Variants in TRAFD1 observed in about 807,000 individuals in gnomAD.
TRAFD1 encodes the protein TRAF-type zinc finger domain containing 1, also known as TRAF-type zinc finger domain-containing protein 1.
A neutral mutation model predicts 65.3 loss-of-function variants in TRAFD1; 38 were observed. The observed-to-expected ratio is 0.58, with a 90% CI of 0.45 to 0.76. The LOEUF (loss-of-function observed/expected upper bound fraction) is 0.76, where lower values mean the gene tolerates loss of function less well. Among genes scored for constraint, TRAFD1 ranks in the 30% least tolerant of loss-of-function variants. TRAFD1 has a pLI of 0.00. For synonymous variants in TRAFD1, 223 were observed against 257.2 expected (o/e 0.87, Z 1.27); for missense variants, 631 against 712.6 (o/e 0.89, Z 1.30).
At chr12:112,149,419 A>G (rs1162883581) in intron 8 of TRAFD1, 2 of 229,656 alleles carry the variant, frequency 8.7e-6, no homozygotes, top group African/African-American at 4.6e-5. Context: ...TACAGATTGA[A>G]CTCCTTGTTC....
chr12:112,148,320 G>A lies in TRAFD1; in HGVS notation c.1158+16G>A. On this transcript the variant is annotated intron_variant, in intron 8 of 11. Transcript: ENST00000412615. ...CCATCACCAGGTAAGGGTCCCTGGA[G>A]TCCCTGTCCATGTGGCTCTGTGCGT... 6.2e-7 allele frequency: 1 copy of A among 1,611,182 alleles called. No homozygotes were observed. The highest frequency in any genetic ancestry group is 8.5e-7 in the Non-Finnish European group (1 of 1,177,536).
At chr12:112,150,323 T>TA (rs2030366192) in intron 9 of TRAFD1, among the ~76,000 whole-genome samples, 1 of 151,962 alleles carries the variant, frequency 6.6e-6, no homozygotes, top group South Asian at 2.1e-4. Flanking sequence ...AATCATAGCT[T>TA]ACCACAGCCT....
At position 112,152,571 on chromosome 12, in the gene TRAFD1, T is replaced by C. The variant is rs2030440256; in HGVS notation, c.1692+72T>C. 3.1e-6 allele frequency: 5 copies of C among 1,601,036 alleles called. No homozygotes were observed. The highest frequency in any genetic ancestry group is 4.3e-6 in the Non-Finnish European group (5 of 1,170,282). ...GGTGGGGCTTGTGTGGCTCCTGAAG[T>C]TGTAGAAGTTGTTGGGACCAGGCTG... On this transcript the variant is annotated intron_variant, in intron 11 of 11. Coordinates refer to ENST00000412615, the MANE Select transcript of TRAFD1 (RefSeq NM_006700.3). This position sits in a 1 kb window ranked among gnomAD's most constrained non-coding sequence, Gnocchi z 5.0.
chr12:112,127,121 TC>T (rs906313542), intron 1 of TRAFD1, among the ~76,000 whole-genome samples: 1 of 152,222 alleles, frequency 6.6e-6, no homozygotes, highest in Non-Finnish European at 1.5e-5. Flanking sequence ...ACTTTCTCTT[TC>T]ATTGCTTTTA....
At chr12:112,135,113 A>G in intron 4 of TRAFD1, 47 bp downstream of exon 4, 1 of 1,608,022 alleles carries the variant, frequency 6.2e-7, no homozygotes. Context: ...TGCTGAGATT[A>G]CAGACCCACA....
intron 8 of TRAFD1, 124 bp from the exon 9 acceptor site, chr12:112,149,627 A>G: frequency 3.7e-6 from 5 of 1,338,822 alleles, no homozygotes; most frequent in African/African-American, 2.9e-5. Flanking sequence ...GAAAGTTCCC[A>G]GAACTTTCAG....
chr12:112,146,563 G>A (rs1421971332), intron 7 of TRAFD1, among the ~76,000 whole-genome samples: 1 of 152,242 alleles, frequency 6.6e-6, no homozygotes, highest in African/African-American at 2.4e-5. Context: ...GGTCAAGGGT[G>A]TTTTCTGCAC....
At chr12:112,127,668 G>A (rs12300518) in intron 1 of TRAFD1, among the ~76,000 whole-genome samples, 1 of 147,790 alleles carries the variant, frequency 6.8e-6, no homozygotes, top group Non-Finnish European at 1.5e-5. Context: ...TTGCTTTTTT[G>A]TTTTTTGTTT....
At chr12:112,149,964 T>C (rs1381006143) in intron 9 of TRAFD1, 93 bp downstream of exon 9, 7 of 1,522,940 alleles carry the variant, frequency 4.6e-6, no homozygotes, top group Non-Finnish European at 5.3e-6. Context: ...ATGTGGGGAT[T>C]ACCTGCATCT....
At chr12:112,133,325 G>GT (rs1215245208) in intron 2 of TRAFD1, 1 of 152,224 alleles carries the variant, frequency 6.6e-6, no homozygotes, top group Non-Finnish European at 1.5e-5. Flanking sequence ...CGAAAGGCAT[G>GT]TGAGGCATAC....
chr12:112,148,288 T>TGTC lies in TRAFD1; in HGVS notation c.1143_1144insTCG (p.Val381_Leu382insSer). On this transcript the variant is annotated inframe_insertion, in exon 8 of 12. Coordinates refer to ENST00000412615, the MANE Select transcript of TRAFD1 (RefSeq NM_006700.3). ...TGTGGGGTACAGCTGGAAGAGGAGG[T>TGTC]GCTGTTCCATCACCAGGTAAGGGTC... 1 of 1,613,940 alleles carries TGTC rather than the reference T, an allele frequency of 6.2e-7. No individual in the cohort carries two copies. The highest frequency in any genetic ancestry group is 8.5e-7 in the Non-Finnish European group (1 of 1,179,948).
intron 4 of TRAFD1, among the ~76,000 whole-genome samples, chr12:112,138,139 G>C (rs2029972529): frequency 6.6e-6 from 1 of 152,082 alleles, no homozygotes; most frequent in Non-Finnish European, 1.5e-5. Flanking sequence ...TTGCTCGAGG[G>C]GCTGAGGTAC....
intron 4 of TRAFD1, among the ~76,000 whole-genome samples, chr12:112,136,945 C>T (rs1351313452): frequency 6.6e-6 from 1 of 152,222 alleles, no homozygotes; most frequent in African/African-American, 2.4e-5. Flanking sequence ...AAAAATCCAG[C>T]CGGGCGTGAT....
In TRAFD1 at chr12:112,137,321, T is replaced by C. The variant is rs2029937553; in HGVS notation, c.237+2255T>C. On this transcript the variant is annotated intron_variant, in intron 4 of 11. Transcript: ENST00000412615. This position sits in a 1 kb window ranked among gnomAD's most constrained non-coding sequence, Gnocchi z 4.2. ...TTTATAATGCAAGTGAAATCAGTGC[T>C]GTGCCCCTTCAAGGAACCACGTGAC... 6.6e-6 allele frequency among the ~76,000 whole-genome samples: 1 copy of C among 152,252 alleles called. No homozygotes were observed. The highest frequency in any genetic ancestry group is 2.1e-4 in the South Asian group (1 of 4,836).
chr12:112,142,182 T>A lies in TRAFD1; in HGVS notation c.737T>A (p.Leu246Gln), dbSNP rs200342910. 2.5e-6 allele frequency: 4 copies of A among 1,613,986 alleles called. No homozygotes were observed. In the East Asian group the frequency reaches 8.9e-5, roughly 36 times the overall value. ...GCAAACTTGGACTTCATGTTGGCCCTAAGTCTGCAAAATGAAGGCCAAGCC... is the reference window on the plus strand; with the variant it reads ...GCAAACTTGGACTTCATGTTGGCCCAAAGTCTGCAAAATGAAGGCCAAGCC... ...ESANLDFMLALSLQNEGQASS... is the reference protein window; with the variant it reads ...ESANLDFMLAQSLQNEGQASS... Residue 246 changes from leucine (L) to glutamine (Q), a missense_variant, in exon 6 of 12, where the codon CTA becomes CAA. Coordinates refer to ENST00000412615, the MANE Select transcript of TRAFD1 (RefSeq NM_006700.3).
At position 112,149,811 on chromosome 12, in the gene TRAFD1, C is replaced by A. The variant is rs956278519; in HGVS notation, c.1219C>A (p.Leu407Met). 1.9e-6 allele frequency: 3 copies of A among 1,614,086 alleles called. No individual in the cohort carries two copies. The highest frequency in any genetic ancestry group is 2.5e-6 in the Non-Finnish European group (3 of 1,180,024). ...TNHVTEGIPR[L>M]DSQPQETSPE... ...CCATGTGACAGAGGGGATTCCTAGACTGGATTCCCAGCCTCAAGAGACCTC... is the reference window on the plus strand; with the variant it reads ...CCATGTGACAGAGGGGATTCCTAGAATGGATTCCCAGCCTCAAGAGACCTC... Residue 407 changes from leucine to methionine, a missense_variant, in exon 9 of 12, where the codon CTG (leucine) becomes ATG (methionine). Physicochemically the swap from Leu to Met is conservative, Grantham distance 15 (BLOSUM62 2). Transcript: ENST00000412615.
At position 112,152,553 on chromosome 12, in the gene TRAFD1, C is replaced by T. The variant is rs1390925292; in HGVS notation, c.1692+54C>T. On this transcript the variant is annotated intron_variant, in intron 11 of 11. Coordinates refer to ENST00000412615, the MANE Select transcript of TRAFD1 (RefSeq NM_006700.3). This position sits in a 1 kb window ranked among gnomAD's most constrained non-coding sequence, Gnocchi z 5.0. ...AGTGGGGGACTCAGACATGGTGGGG[C>T]TTGTGTGGCTCCTGAAGTTGTAGAA... is the stretch of plus-strand genomic sequence containing the variant. 2.5e-6 allele frequency: 4 copies of T among 1,606,026 alleles called. No homozygotes were observed. In the African/African-American group the frequency reaches 4.0e-5, roughly 16 times the overall value.
Position 112,152,847 on chromosome 12 carries a change from C to A in TRAFD1, c.*56C>A. On this transcript the variant is annotated 3_prime_UTR_variant, in exon 12 of 12. Coordinates refer to ENST00000412615, the MANE Select transcript of TRAFD1 (RefSeq NM_006700.3). The surrounding 1 kb of genome is among the most constrained non-coding windows in gnomAD (Gnocchi z 5.0). The stretch of plus-strand genomic sequence containing the variant: ...TGTCTTCTGTGCACAGCAGCACTTG[C>A]CGCTGTGCAGGCCCACCTCTTTGGC... The A allele has an allele frequency of 6.2e-7, 1 of 1,602,830 alleles. No individual in the cohort carries two copies. The highest frequency in any genetic ancestry group is 1.1e-5 in the South Asian group (1 of 90,206).
At chr12:112,139,578 C>T (rs550902234) in intron 4 of TRAFD1, among the ~76,000 whole-genome samples, 7 of 152,022 alleles carry the variant, frequency 4.6e-5, no homozygotes, top group East Asian at 2.0e-4. Context: ...TGAATGCCAC[C>T]ACACCCTGCT....
Sources: allele counts gnomAD v4.1 joint callset (sites outside exome capture counted in the v4.1 genomes callset), GRCh38; gene constraint gnomAD v4.1.1; non-coding constraint Gnocchi (gnomAD v3.1); transcripts MANE v1.5; gene names NCBI Gene and HGNC (gene_info 2026-07-23, HGNC 2026-07-21).